The following CSRNP3 variants were observed in gnomAD, a reference collection of about 807,000 sequenced individuals.
The protein encoded by CSRNP3 is cysteine and serine rich nuclear protein 3.
CSRNP3 carries 12 observed loss-of-function variants against 48.0 expected under a neutral mutation model. That is an observed-to-expected ratio of 0.25 (90% CI 0.16 to 0.41). CSRNP3 has a LOEUF of 0.41. Among genes scored for constraint, CSRNP3 ranks in the 10% least tolerant of loss-of-function variants. CSRNP3 has a pLI of 1.00. For missense variants in CSRNP3, 580 were observed against 724.4 expected (o/e 0.80, Z 2.29); for synonymous variants, 263 against 269.7 (o/e 0.98, Z 0.24).
intron 3 of CSRNP3, among the ~76,000 whole-genome samples, chr2:165,581,336 T>A (rs1685541939): frequency 6.6e-6 from 1 of 152,174 alleles, no homozygotes; most frequent in Non-Finnish European, 1.5e-5. Context: ...TTTGTAATTA[T>A]TAGTAAATGG....
In CSRNP3 at chr2:165,651,544, C is replaced by T. The variant is rs1686904123; in HGVS notation, c.149-6217C>T. ...TTCCATTTTTAATCTGTTCTTTTCA[C>T]GAGTTCGTTCTTTATATAATTTATA... On this transcript the variant is annotated intron_variant, in intron 4 of 6. Coordinates refer to ENST00000651982, the MANE Select transcript of CSRNP3 (RefSeq NM_001172173.2). Among the ~76,000 whole-genome samples, 3 of 152,042 alleles carry T rather than the reference C, an allele frequency of 2.0e-5. No homozygotes were observed. In the South Asian group the frequency reaches 6.2e-4, roughly 32 times the overall value.
intron 4 of CSRNP3, among the ~76,000 whole-genome samples, chr2:165,633,978 A>C (rs1221085920): frequency 1.3e-5 from 2 of 152,136 alleles, no homozygotes; most frequent in African/African-American, 2.4e-5. Context: ...AACACTCCTT[A>C]TGTCTGTTAC....
intron 4 of CSRNP3, among the ~76,000 whole-genome samples, chr2:165,629,439 T>G (rs984943193): frequency 3.3e-5 from 5 of 152,256 alleles, no homozygotes; most frequent in Non-Finnish European, 7.3e-5. Flanking sequence ...ATGCTCCAGT[T>G]TGTGCATCTC....
chr2:165,650,566 T>G (rs1686887922), intron 4 of CSRNP3, among the ~76,000 whole-genome samples: 1 of 152,250 alleles, frequency 6.6e-6, no homozygotes, highest in Non-Finnish European at 1.5e-5. Context: ...TAATTTCTGG[T>G]GAAACTGGAT....
chr2:165,517,713 A>G (rs1017075197), intron 2 of CSRNP3, among the ~76,000 whole-genome samples, 160 bp from the exon 3 acceptor site: 1 of 151,976 alleles, frequency 6.6e-6, no homozygotes, highest in Non-Finnish European at 1.5e-5. Flanking sequence ...GCTAAATTAT[A>G]TAGCATATGA....
chr2:165,679,408 C>CAATT lies in CSRNP3; in HGVS notation c.1414_1415insATTA (p.Met472AsnfsTer9). Reference sequence around the variant, plus strand: ...GTACCCTTTCGCTGGTGCCTTACACCATGACCCCGGAGCAATTCGTTGACT... The same window carrying CAATT: ...GTACCCTTTCGCTGGTGCCTTACACCAATTATGACCCCGGAGCAATTCGTTGACT... On this transcript the variant is annotated frameshift_variant, in exon 7 of 7. Coordinates refer to ENST00000651982, the MANE Select transcript of CSRNP3 (RefSeq NM_001172173.2). LOFTEE classifies it high-confidence loss of function. 1 of 1,612,460 alleles carries CAATT rather than the reference C, an allele frequency of 6.2e-7. No individual in the cohort carries two copies. Among genetic ancestry groups the CAATT allele is most frequent in the South Asian group, 1.1e-5 (1 of 91,000 alleles).
chr2:165,584,645 A>C (rs1323883785), intron 3 of CSRNP3, among the ~76,000 whole-genome samples: 1 of 152,214 alleles, frequency 6.6e-6, no homozygotes, highest in Non-Finnish European at 1.5e-5. Context: ...TTAAAGATTA[A>C]ACAACAAAAA....
At chr2:165,653,547 G>A (rs996200378) in intron 4 of CSRNP3, among the ~76,000 whole-genome samples, 1 of 152,164 alleles carries the variant, frequency 6.6e-6, no homozygotes, top group Non-Finnish European at 1.5e-5. Context: ...TTCTGGGAAA[G>A]CATGATGCAA....
At position 165,494,675 on chromosome 2, in the gene CSRNP3, G is replaced by GC. The variant is rs555912513; in HGVS notation, c.-282-77dup. On this transcript the variant is annotated intron_variant, in intron 1 of 6. Coordinates refer to ENST00000651982, the MANE Select transcript of CSRNP3 (RefSeq NM_001172173.2). ...TGATAATGTGGTTCAAAAATTTACA[G>GC]CCCCCCCAAATGACTTTGAGACTTT... 5.1e-4 allele frequency: 78 copies of GC among 154,394 alleles called. 1 individual carries two copies. In the South Asian group the frequency reaches 8.1e-3, roughly 16 times the overall value. The allele number at this position is 154,394 out of a possible 1,614,324, so 9.6% of individuals were successfully genotyped here.
rs191276798 is a variant in CSRNP3 at position 165,561,573 on chromosome 2, T to A, written c.-23-33470T>A. ...AAATGGACTGCTCATTTGGATTGTATTCTCTCTGCAAATATTACATTTACT... is the reference window on the plus strand; with the variant it reads ...AAATGGACTGCTCATTTGGATTGTAATCTCTCTGCAAATATTACATTTACT... On this transcript the variant is annotated intron_variant, in intron 3 of 6. Coordinates refer to ENST00000651982, the MANE Select transcript of CSRNP3 (RefSeq NM_001172173.2). 3.4e-3 allele frequency among the ~76,000 whole-genome samples: 511 copies of A among 152,302 alleles called. 2 individuals carry two copies. The highest frequency in any genetic ancestry group is 6.2e-3 in the Non-Finnish European group (422 of 68,002).
At chr2:165,506,998 G>A (rs1291681526) in intron 2 of CSRNP3, among the ~76,000 whole-genome samples, 1 of 151,824 alleles carries the variant, frequency 6.6e-6, no homozygotes, top group Non-Finnish European at 1.5e-5. Flanking sequence ...CTTTGATCTC[G>A]TAGTTCATAA....
intron 4 of CSRNP3, among the ~76,000 whole-genome samples, chr2:165,617,165 T>A (rs1686259527): frequency 6.6e-6 from 1 of 152,174 alleles, no homozygotes; most frequent in Non-Finnish European, 1.5e-5. Context: ...GGTTTCCTTT[T>A]CTGTGAGGTC....
In CSRNP3 at chr2:165,686,541, C is replaced by T. The variant is rs912818856; in HGVS notation, c.*6788C>T. The T allele has an allele frequency of 6.6e-6, 1 of 151,484 alleles. No homozygotes were observed. The highest frequency in any genetic ancestry group is 6.6e-5 in the Admixed American group (1 of 15,186). 9.4% of individuals were successfully genotyped at this position (151,484 alleles called of 1,614,324 possible). A position where few individuals can be genotyped will look rare whatever the true frequency, so the allele number is the denominator to read the frequency against. ...AAAATAAAATCTAAATCTCAATTAC[C>T]CTAAAGTGGAAAAACCTAAGTATCT... On this transcript the variant is annotated 3_prime_UTR_variant, in exon 7 of 7. Transcript: ENST00000651982.
intron 1 of CSRNP3, among the ~76,000 whole-genome samples, chr2:165,490,144 T>C (rs1269291461): frequency 6.1e-5 from 9 of 148,312 alleles, no homozygotes; most frequent in African/African-American, 2.2e-4. Context: ...AGCATTCTTA[T>C]ACACCAACAA....
At chr2:165,665,251 A>T (rs1687159541) in intron 5 of CSRNP3, among the ~76,000 whole-genome samples, 1 of 152,190 alleles carries the variant, frequency 6.6e-6, no homozygotes, top group Admixed American at 6.5e-5. Flanking sequence ...AGATGCCGTT[A>T]TCCTTCATTC....
intron 2 of CSRNP3, among the ~76,000 whole-genome samples, chr2:165,501,551 A>G (rs946946140): frequency 6.6e-6 from 1 of 152,164 alleles, no homozygotes; most frequent in African/African-American, 2.4e-5. Context: ...GAATGGGAGT[A>G]ATCAGAATAG....
intron 3 of CSRNP3, among the ~76,000 whole-genome samples, chr2:165,536,293 G>A (rs1684880714): frequency 6.6e-6 from 1 of 151,890 alleles, no homozygotes. Flanking sequence ...GATTACTCTT[G>A]TTAACCTAGT....
At chr2:165,492,883 T>A in intron 1 of CSRNP3, among the ~76,000 whole-genome samples, 1 of 147,838 alleles carries the variant, frequency 6.8e-6, no homozygotes. Flanking sequence ...GACAAATAGA[T>A]CTCTTTCTAT....
At chr2:165,646,468 T>C (rs1408593833) in intron 4 of CSRNP3, among the ~76,000 whole-genome samples, 1 of 152,150 alleles carries the variant, frequency 6.6e-6, no homozygotes, top group Non-Finnish European at 1.5e-5. Flanking sequence ...AGGTGGAAAA[T>C]GCTGTTTAAT....
Sources: gnomAD v4.1 joint callset for allele counts (sites outside exome capture counted in the v4.1 genomes callset) on GRCh38, gnomAD v4.1.1 for gene constraint, MANE v1.5 for transcripts, NCBI Gene and HGNC (gene_info 2026-07-23, HGNC 2026-07-21) for gene names.